The following COL1A2 variants were observed in gnomAD, a reference collection of about 807,000 sequenced individuals.
COL1A2 encodes collagen alpha-2(I) chain.
In COL1A2, 49 loss-of-function variants were observed where a neutral mutation model predicts 174.3. The ratio of observed to expected loss-of-function variants is 0.28; its 90% CI spans 0.22 to 0.36. COL1A2 has a LOEUF of 0.36. COL1A2 is among the 10% of genes least tolerant of loss of function. The pLI, the probability that COL1A2 is intolerant of heterozygous loss-of-function variation, is 1.00. For missense variants in COL1A2, 1,438 were observed against 1,822.7 expected, an observed-to-expected ratio of 0.79 and a Z score of 3.84; for synonymous variants, 655 against 606.6, an observed-to-expected ratio of 1.08 and a Z score of -1.17.
chr7:94,425,834 A>G lies in COL1A2; in HGVS notation c.2920A>G (p.Lys974Glu). The G allele has an allele frequency of 6.2e-7, 1 of 1,611,568 alleles. No individual in the cohort carries two copies. Among genetic ancestry groups the G allele is most frequent in the Non-Finnish European group, 8.5e-7 (1 of 1,178,946 alleles). ...GPHGPVGPAGKHGNRGETGPS... is the reference protein window; with the variant it reads ...GPHGPVGPAGEHGNRGETGPS... Reference sequence around the variant, plus strand: ...TCATGGCCCCGTGGGTCCTGCTGGCAAACATGGAAACCGTGGTGAAACTGT... The same window carrying G: ...TCATGGCCCCGTGGGTCCTGCTGGCGAACATGGAAACCGTGGTGAAACTGT... Residue 974 changes from lysine to glutamate, a missense_variant, in exon 44 of 52, where the codon AAA becomes GAA. Lys to Glu is a moderately conservative substitution (Grantham distance 56). This residue lies in a region of COL1A2 where 867 missense variants were observed against 1,213.7 expected (regional missense o/e 0.71). Transcript: ENST00000297268.
intron 23 of COL1A2, 86 bp from the exon 24 acceptor site, chr7:94,411,982 G>A: frequency 9.0e-7 from 1 of 1,109,768 alleles, no homozygotes; most frequent in Non-Finnish European, 1.3e-6. Context: ...CGGGGGAAAA[G>A]GTGCCTTTGT....
chr7:94,419,489 T>G lies in COL1A2; in HGVS notation c.2026-9T>G. ...TTATTAATAAGACATGTTTCCTTTT[T>G]GGTACTAGGGTGCTCCTGGTGCTGT... On this transcript the variant is annotated splice_polypyrimidine_tract_variant and intron_variant, in intron 33 of 51. Coordinates refer to ENST00000297268, the MANE Select transcript of COL1A2 (RefSeq NM_000089.4). The G allele has an allele frequency of 6.2e-7, 1 of 1,614,050 alleles. No individual in the cohort carries two copies. Among genetic ancestry groups the G allele is most frequent in the African/African-American group, 1.3e-5 (1 of 75,010 alleles).
intron 7 of COL1A2, 32 bp from the exon 8 acceptor site, chr7:94,404,661 G>C (rs1369929774): frequency 4.3e-6 from 7 of 1,614,054 alleles, no homozygotes; most frequent in Non-Finnish European, 5.1e-6. Flanking sequence ...AGAAATAAAG[G>C]CTTGGAGTAT....
In COL1A2 at chr7:94,400,179, C is replaced by T. The variant is rs370095931; in HGVS notation, c.133-17C>T. Reference sequence around the variant, plus strand: ...AGGGCCTGTCTAACCTGACCTTACTCACTTTTTACATAACAGGGTCCACCA... The same window carrying T: ...AGGGCCTGTCTAACCTGACCTTACTTACTTTTTACATAACAGGGTCCACCA... On this transcript the variant is annotated splice_polypyrimidine_tract_variant and intron_variant, in intron 4 of 51. Transcript: ENST00000297268. 8.7e-6 allele frequency: 14 copies of T among 1,612,956 alleles called. No individual in the cohort carries two copies. Among genetic ancestry groups the T allele is most frequent in the Non-Finnish European group, 1.2e-5 (14 of 1,179,234 alleles).
chr7:94,417,215 T>A (rs1792060451), intron 31 of COL1A2, among the ~76,000 whole-genome samples: 1 of 152,148 alleles, frequency 6.6e-6, no homozygotes, highest in Non-Finnish European at 1.5e-5. Flanking sequence ...GGTAGTACTT[T>A]CAAAGGGATC....
chr7:94,415,190 C>A, intron 29 of COL1A2, 36 bp from the exon 30 acceptor site: 1 of 1,597,020 alleles, frequency 6.3e-7, no homozygotes, highest in South Asian at 1.1e-5. Context: ...AGAGATCACA[C>A]ACAGATTTCA....
intron 37 of COL1A2, 80 bp downstream of exon 37, chr7:94,420,728 C>A: frequency 7.9e-7 from 1 of 1,258,096 alleles, no homozygotes; most frequent in Non-Finnish European, 1.1e-6. Context: ...CAAGTGCCTG[C>A]TATGCAACAG....
intron 2 of COL1A2, 23 bp downstream of exon 2, chr7:94,397,781 T>A (rs1272216420): frequency 1.6e-6 from 2 of 1,275,328 alleles, no homozygotes; most frequent in African/African-American, 3.0e-5. Context: ...TTTTTTAGAA[T>A]TTTTAAAAAT....
chr7:94,401,643 G>T, intron 6 of COL1A2, 23 bp downstream of exon 6: 1 of 1,567,248 alleles, frequency 6.4e-7, no homozygotes, highest in South Asian at 1.1e-5. Context: ...GTTTATCTTA[G>T]CCAAAAAAAT....
chr7:94,405,123 G>T, intron 9 of COL1A2, 76 bp from the exon 10 acceptor site: 1 of 1,497,750 alleles, frequency 6.7e-7, no homozygotes, highest in Non-Finnish European at 9.3e-7. Context: ...CTCCCCTTTT[G>T]TAAAAACCAA....
Position 94,424,267 on chromosome 7 carries a change from A to G in COL1A2, c.2566-69A>G, listed in dbSNP as rs1266538432. ...AAGCTGAAGACAGTTTATTCTCACAATCTTCAAGCCAACCTGTGTTATCAC... is the reference window on the plus strand; with the variant it reads ...AAGCTGAAGACAGTTTATTCTCACAGTCTTCAAGCCAACCTGTGTTATCAC... On this transcript the variant is annotated intron_variant, in intron 40 of 51. Coordinates refer to ENST00000297268, the MANE Select transcript of COL1A2 (RefSeq NM_000089.4). The G allele has an allele frequency of 2.3e-6, 3 of 1,332,500 alleles. No homozygotes were observed. In the African/African-American group the frequency reaches 4.3e-5, roughly 19 times the overall value. 82.5% of individuals were successfully genotyped at this position (1,332,500 alleles called of 1,614,324 possible).
intron 5 of COL1A2, 41 bp downstream of exon 5, chr7:94,400,329 G>A (rs1345283121): frequency 6.6e-7 from 1 of 1,521,450 alleles, no homozygotes; most frequent in African/African-American, 1.4e-5. Context: ...GCTAACTTCA[G>A]TTGAAAGAAG....
At position 94,399,058 on chromosome 7, in the gene COL1A2, G is replaced by A. The variant is rs368447157; in HGVS notation, c.106G>A (p.Gly36Arg). Residue 36 changes from glycine (G) to arginine (R), a missense_variant, in exon 4 of 52, where the codon GGA becomes AGA. Gly to Arg is a moderately radical substitution (Grantham distance 125, BLOSUM62 -2). Transcript: ENST00000297268. ...QEETVRKGPA[G>R]DRGPRGERGP... ...TGTATCTTTCCTGTAGGGCCCAGCC[G>A]GAGATAGAGGACCACGTGGAGAAAG... The A allele has an allele frequency of 1.7e-5, 27 of 1,613,632 alleles. No homozygotes were observed. Among genetic ancestry groups the A allele is most frequent in the Admixed American group, 5.0e-5 (3 of 60,006 alleles).
Position 94,429,344 on chromosome 7 carries a change from G to A in COL1A2, c.3868G>A (p.Val1290Ile). Residue 1290 changes from valine (V) to isoleucine (I), a missense_variant, in exon 51 of 52, where the codon GTC becomes ATC. Coordinates refer to ENST00000297268, the MANE Select transcript of COL1A2 (RefSeq NM_000089.4). Reference sequence around the variant, plus strand: ...GGAGACTGGCAACCTGAAAAAGGCTGTCATTCTACAGGGCTCTAATGATGT... The same window carrying A: ...GGAGACTGGCAACCTGAAAAAGGCTATCATTCTACAGGGCTCTAATGATGT... ...DEETGNLKKA[V>I]ILQGSNDVEL... The A allele has an allele frequency of 1.2e-6, 2 of 1,614,076 alleles. No individual in the cohort carries two copies. Among genetic ancestry groups the A allele is most frequent in the Non-Finnish European group, 1.7e-6 (2 of 1,179,990 alleles).
At chr7:94,400,518 A>G (rs925793127) in intron 5 of COL1A2, among the ~76,000 whole-genome samples, 2 of 152,106 alleles carry the variant, frequency 1.3e-5, no homozygotes, top group Admixed American at 6.5e-5. Context: ...TGTGGCCATC[A>G]TTACCATTAT....
At chr7:94,410,147 C>A in intron 19 of COL1A2, 95 bp from the exon 20 acceptor site, 1 of 1,309,288 alleles carries the variant, frequency 7.6e-7, no homozygotes, top group African/African-American at 1.4e-5. Flanking sequence ...TTGAGCTTCT[C>A]TTTACCTTGA....
rs1289008394 is a variant in COL1A2, at chr7:94,425,014, TCTTC to T, written c.2674-98_2674-95del. 4.1e-6 allele frequency: 4 copies of T among 964,622 alleles called. No homozygotes were observed. In the African/African-American group the frequency reaches 6.4e-5, roughly 16 times the overall value. The allele number at this position is 964,622 out of a possible 1,614,324, so 59.8% of individuals were successfully genotyped here. Reference sequence around the variant, plus strand: ...TGACCCATTCACATTCAATTTACCTTCTTCCTTCAAACTAGAATCTCCTGAGTAG... The same window carrying T: ...TGACCCATTCACATTCAATTTACCTTCTTCAAACTAGAATCTCCTGAGTAG... On this transcript the variant is annotated intron_variant, in intron 41 of 51. Coordinates refer to ENST00000297268, the MANE Select transcript of COL1A2 (RefSeq NM_000089.4).
intron 31 of COL1A2, chr7:94,417,518 C>A: frequency 1.7e-6 from 1 of 584,374 alleles, no homozygotes; most frequent in Non-Finnish European, 3.1e-6. Context: ...TGCACTCCCA[C>A]TACCCTCATC....
In COL1A2 at chr7:94,423,077, T is replaced by C; in HGVS notation, c.2524T>C (p.Phe842Leu). ...AGTAGGTGCAGTTGGTCCCCCTGGC[T>C]TCGCTGGTGAGAAGGGTCCCTCTGG... ...GEVGAVGPPGFAGEKGPSGEA... is the reference protein window; with the variant it reads ...GEVGAVGPPGLAGEKGPSGEA... The change falls in exon 40 of 52, where the codon TTC (phenylalanine) becomes CTC (leucine). Residue 842 changes from phenylalanine (F) to leucine (L), a missense_variant. Physicochemically the swap from Phe to Leu is conservative, Grantham distance 22. Around this residue, in one of 3 missense-constraint regions of COL1A2, gnomAD observed 867 missense variants for 1,213.7 expected, o/e 0.71. Coordinates refer to ENST00000297268, the MANE Select transcript of COL1A2 (RefSeq NM_000089.4). The C allele has an allele frequency of 6.2e-7, 1 of 1,614,178 alleles. No homozygotes were observed. The highest frequency in any genetic ancestry group is 8.5e-7 in the Non-Finnish European group (1 of 1,180,016).
Sources: gnomAD v4.1 joint callset for allele counts (sites outside exome capture counted in the v4.1 genomes callset) on GRCh38, gnomAD v4.1.1 for gene constraint, gnomAD v4.1.1 regional missense constraint, MANE v1.5 for transcripts, NCBI Gene and HGNC (gene_info 2026-07-23, HGNC 2026-07-21) for gene names.